The following TRIM39 variants were observed in gnomAD, a reference collection of about 807,000 sequenced individuals.
TRIM39 encodes the protein E3 ubiquitin-protein ligase TRIM39.
A neutral mutation model predicts 53.6 loss-of-function variants in TRIM39; 5 were observed. The observed-to-expected ratio is 0.09, with a 90% CI of 0.05 to 0.20. The LOEUF (loss-of-function observed/expected upper bound fraction) is 0.20, where lower values mean the gene tolerates loss of function less well. Ranked by LOEUF, TRIM39 falls within the 10% of genes least tolerant of loss-of-function variation. The pLI is 1.00. For synonymous variants in TRIM39, 196 were observed against 237.6 expected (o/e 0.82, Z 1.61); for missense variants, 310 against 621.0 (o/e 0.50, Z 5.32).
At chr6:30,332,591 G>A (rs924044843) in intron 4 of TRIM39, among the ~76,000 whole-genome samples, 16 of 152,208 alleles carry the variant, frequency 1.1e-4, no homozygotes, top group South Asian at 2.1e-4. Flanking sequence ...GGTTAGAAAT[G>A]TGAACTTTTA....
chr6:30,331,054 G>A lies in TRIM39; in HGVS notation c.549+178G>A, dbSNP rs147777947. 8.3e-3 allele frequency among the ~76,000 whole-genome samples: 1,269 copies of A among 152,310 alleles called. 4 individuals are homozygous for A. The highest frequency in any genetic ancestry group is 0.012 in the Non-Finnish European group (847 of 68,022). On this transcript the variant is annotated intron_variant, in intron 4 of 7. Transcript: ENST00000396551. Reference sequence around the variant, plus strand: ...GGAGGCCAAGGTGGGCAGATTGCTTGAGCTCAGGAGTTTGAGACCACCCTG... The same window carrying A: ...GGAGGCCAAGGTGGGCAGATTGCTTAAGCTCAGGAGTTTGAGACCACCCTG...
chr6:30,332,240 A>G (rs534487089), intron 4 of TRIM39, among the ~76,000 whole-genome samples: 1 of 152,344 alleles, frequency 6.6e-6, no homozygotes, highest in South Asian at 2.1e-4. Flanking sequence ...CAAACCCGGT[A>G]TTTGACACTG....
At chr6:30,328,223 T>C (rs2127382465) in intron 1 of TRIM39, among the ~76,000 whole-genome samples, 1 of 152,362 alleles carries the variant, frequency 6.6e-6, no homozygotes, top group East Asian at 1.9e-4. Context: ...GCCCAGGGTG[T>C]TAGTTATCAA....
rs889823864 is a variant in TRIM39 at position 30,339,608 on chromosome 6, A to G, written c.781-300A>G. On this transcript the variant is annotated intron_variant, in intron 5 of 7. Coordinates refer to ENST00000396551, the Ensembl canonical transcript of TRIM39. The surrounding 1 kb of genome is among the most constrained non-coding windows in gnomAD (Gnocchi z 4.2). ...TTGGGGGACAGAGTAAAGAATTGAT[A>G]CAATCCCTGTCCCTTATAGGGAGCT... is the stretch of plus-strand genomic sequence containing the variant. Among the ~76,000 whole-genome samples the G allele has an allele frequency of 1.3e-5, 2 of 152,238 alleles. No individual in the cohort carries two copies. Among genetic ancestry groups the G allele is most frequent in the African/African-American group, 4.8e-5 (2 of 41,462 alleles).
intron 7 of TRIM39, among the ~76,000 whole-genome samples, chr6:30,341,146 T>TGCA (rs1787480450): frequency 6.6e-6 from 1 of 150,574 alleles, no homozygotes; most frequent in South Asian, 2.1e-4. Flanking sequence ...AAGCGGAGGT[T>TGCA]GCAGTGAGCT....
intron 4 of TRIM39, among the ~76,000 whole-genome samples, chr6:30,333,723 A>G (rs1431289938): frequency 6.6e-6 from 1 of 152,190 alleles, no homozygotes; most frequent in Non-Finnish European, 1.5e-5. Context: ...TCAGTTCACT[A>G]TGCCGGATTG....
Position 30,331,012 on chromosome 6 carries a change from G to A in TRIM39, c.549+136G>A, listed in dbSNP as rs532630100. On this transcript the variant is annotated intron_variant, in intron 4 of 7. Transcript: ENST00000396551. ...TCGCCGGACATGGTGGCTCACACCT[G>A]TAATCCCAGCAATTCTGGAGGCCAA... 1.0e-3 allele frequency: 1,067 copies of A among 1,062,996 alleles called. 6 individuals are homozygous for A. The highest frequency in any genetic ancestry group is 2.7e-3 in the Admixed American group (105 of 38,790). The allele number at this position is 1,062,996 out of a possible 1,614,324, so 65.8% of individuals were successfully genotyped here.
At chr6:30,336,055 T>C in intron 5 of TRIM39, 80 bp downstream of exon 5, 1 of 1,564,794 alleles carries the variant, frequency 6.4e-7, no homozygotes, top group Non-Finnish European at 8.7e-7. Context: ...CAGCCTGGGA[T>C]ACTCATTCTT....
chr6:30,329,238 A>C, intron 2 of TRIM39, 73 bp from the exon 3 acceptor site: 1 of 1,428,726 alleles, frequency 7.0e-7, no homozygotes. Context: ...CGGGTCAGGG[A>C]TGCAAAAAAA....
At position 30,342,294 on chromosome 6, in the gene TRIM39, G is replaced by C. The variant is rs1171110429; in HGVS notation, c.*35G>C. On this transcript the variant is annotated 3_prime_UTR_variant, in exon 8 of 8. Transcript: ENST00000396551. This position sits in a 1 kb window ranked among gnomAD's most constrained non-coding sequence, Gnocchi z 4.7. Reference sequence around the variant, plus strand: ...ATGTGGGAATGACTGGGGTGAGGCAGGGTCAAGTGCTACGGGCCTCCTTCC... The same window carrying C: ...ATGTGGGAATGACTGGGGTGAGGCACGGTCAAGTGCTACGGGCCTCCTTCC... 1.2e-6 allele frequency: 2 copies of C among 1,601,998 alleles called. No homozygotes were observed. Among genetic ancestry groups the C allele is most frequent in the Non-Finnish European group, 1.7e-6 (2 of 1,173,454 alleles).
chr6:30,335,773 T>C lies in TRIM39; in HGVS notation c.578T>C (p.Ile193Thr). 1 of 1,612,842 alleles carries C rather than the reference T, an allele frequency of 6.2e-7. No individual in the cohort carries two copies. Among genetic ancestry groups the C allele is most frequent in the Non-Finnish European group, 8.5e-7 (1 of 1,179,984 alleles). The change falls in exon 5 of 8, where the codon ATC (isoleucine) becomes ACC (threonine). Residue 193 changes from isoleucine (I) to threonine (T), a missense_variant. This residue lies in a region of TRIM39 where 161 missense variants were observed against 210.0 expected (regional missense o/e 0.77). Coordinates refer to ENST00000396551, the Ensembl canonical transcript of TRIM39. This position sits in a 1 kb window ranked among gnomAD's most constrained non-coding sequence, Gnocchi z 4.7. ...CTAGTGGAAAGTCGCCGACAGCAGA[T>C]CTTGAGGGAGTTTGAAGAGCTTCAT...
intron 4 of TRIM39, among the ~76,000 whole-genome samples, chr6:30,333,379 A>T (rs1582020209): frequency 1.9e-5 from 2 of 107,216 alleles, no homozygotes; most frequent in African/African-American, 3.8e-5. Flanking sequence ...TTTTTTTGAG[A>T]CGGCGTCTCG....
Position 30,342,539 on chromosome 6 carries a change from G to T in TRIM39, c.*280G>T. On this transcript the variant is annotated 3_prime_UTR_variant, in exon 8 of 8. Transcript: ENST00000396551. The surrounding 1 kb of genome is among the most constrained non-coding windows in gnomAD (Gnocchi z 4.7). ...ATCAGGTTTTCTGTTGCACAAGGAC[G>T]GGTCAGGAAGGAAGGAGAGGCTTTT... is the stretch of plus-strand genomic sequence containing the variant. 1 of 529,778 alleles carries T rather than the reference G, an allele frequency of 1.9e-6. No homozygotes were observed. The allele number at this position is 529,778 out of a possible 1,614,324, so 32.8% of individuals were successfully genotyped here. A position where few individuals can be genotyped will look rare whatever the true frequency, so the allele number is the denominator to read the frequency against.
exon 2 of TRIM39, chr6:30,328,954 A>G: frequency 4.3e-6 from 1 of 231,312 alleles, no homozygotes; most frequent in Non-Finnish European, 8.4e-6. Context: ...TATTGGTTCT[A>G]AGATATAAGT....
chr6:30,327,433 A>T (rs1383997539), intron 1 of TRIM39: 1 of 152,824 alleles, frequency 6.5e-6, no homozygotes, highest in African/African-American at 2.4e-5. Context: ...GTTGTGGACA[A>T]CCTCTCAGGA....
intron 4 of TRIM39, among the ~76,000 whole-genome samples, chr6:30,331,487 C>T (rs1786171595): frequency 6.6e-6 from 1 of 152,036 alleles, no homozygotes; most frequent in African/African-American, 2.4e-5. Context: ...TTTGTTAAAG[C>T]AGCAAAGGAG....
exon 3 of TRIM39, chr6:30,329,557 T>C (rs1785862263): frequency 6.2e-7 from 1 of 1,613,016 alleles, no homozygotes; most frequent in African/African-American, 1.3e-5. Flanking sequence ...GTCTCCGACC[T>C]AATCGGCAAC....
chr6:30,339,219 G>A lies in TRIM39; in HGVS notation c.781-689G>A, dbSNP rs1238897438. Among the ~76,000 whole-genome samples the A allele has an allele frequency of 6.6e-6, 1 of 151,742 alleles. No homozygotes were observed. Among genetic ancestry groups the A allele is most frequent in the East Asian group, 1.9e-4 (1 of 5,184 alleles). The stretch of plus-strand genomic sequence containing the variant: ...GGCTGGAGTGCAGTGCATGATCTCG[G>A]CTCACTGCAACCTTTGCCTCCTGTG... On this transcript the variant is annotated intron_variant, in intron 5 of 7. Coordinates refer to ENST00000396551, the Ensembl canonical transcript of TRIM39. The surrounding 1 kb of genome is among the most constrained non-coding windows in gnomAD (Gnocchi z 4.2).
chr6:30,340,539 G>T (rs754890259), exon 7 of TRIM39: 1 of 1,613,056 alleles, frequency 6.2e-7, no homozygotes, highest in East Asian at 2.2e-5. Context: ...GGTGACTTCA[G>T]TATCCATAGA....
Sources: allele counts gnomAD v4.1 joint callset (sites outside exome capture counted in the v4.1 genomes callset), GRCh38; gene constraint gnomAD v4.1.1; regional missense constraint gnomAD v4.1.1; non-coding constraint Gnocchi (gnomAD v3.1); transcripts MANE v1.5; gene names NCBI Gene and HGNC (gene_info 2026-07-23, HGNC 2026-07-21).